The following SLC40A1 variants were observed in gnomAD, a reference collection of about 807,000 sequenced individuals.
SLC40A1 encodes solute carrier family 40 member 1.
SLC40A1 carries 16 observed loss-of-function variants against 53.5 expected under a neutral mutation model. That is an observed-to-expected ratio of 0.30 (90% CI 0.20 to 0.45). SLC40A1 has a LOEUF of 0.45. SLC40A1 is among the 20% of genes least tolerant of loss of function. SLC40A1 has a pLI of 1.00. For missense variants in SLC40A1, 545 were observed against 695.4 expected, an observed-to-expected ratio of 0.78 and a Z score of 2.43; for synonymous variants, 247 against 253.2, an observed-to-expected ratio of 0.98 and a Z score of 0.23.
chr2:189,564,146 T>C lies in SLC40A1; in HGVS notation c.840A>G (p.Gln280=). The C allele has an allele frequency of 1.2e-6, 2 of 1,612,764 alleles. No homozygotes were observed. Among genetic ancestry groups the C allele is most frequent in the South Asian group, 2.2e-5 (2 of 90,736 alleles). ...CCATCTGGGAGGCACAAGTAGGCTC[T>C]TGCTCATGTTCAAGCTCATGGATGT... ...DSNIHELEHE[Q]EPTCASQMAE... The change falls in exon 7 of 8, where the codon CAA becomes CAG. Residue 280 remains glutamine, a synonymous_variant. Transcript: ENST00000261024.
intron 5 of SLC40A1, among the ~76,000 whole-genome samples, chr2:189,568,442 C>T (rs2031006767): frequency 6.6e-6 from 1 of 151,924 alleles, no homozygotes; most frequent in South Asian, 2.1e-4. Context: ...TGAGTTGAGA[C>T]TGTGCCACTG....
At chr2:189,573,825 T>A (rs2031208909) in intron 3 of SLC40A1, among the ~76,000 whole-genome samples, 1 of 152,168 alleles carries the variant, frequency 6.6e-6, no homozygotes, top group Admixed American at 6.5e-5. Flanking sequence ...GCTTGGAAGG[T>A]CTTGCAAGAA....
chr2:189,561,216 C>T lies in SLC40A1; in HGVS notation c.*662G>A, dbSNP rs1417522880. On this transcript the variant is annotated 3_prime_UTR_variant, in exon 8 of 8. Coordinates refer to ENST00000261024, the MANE Select transcript of SLC40A1 (RefSeq NM_014585.6). ...TTTACAGCTTTGCTTCTACCTGCAGCTTACATGATAACCATGCTGTGAAGT... is the reference window on the plus strand; with the variant it reads ...TTTACAGCTTTGCTTCTACCTGCAGTTTACATGATAACCATGCTGTGAAGT... 1 of 152,280 alleles carries T rather than the reference C, an allele frequency of 6.6e-6. No homozygotes were observed. Among genetic ancestry groups the T allele is most frequent in the African/African-American group, 2.4e-5 (1 of 41,458 alleles). 9.4% of individuals were successfully genotyped at this position (152,280 alleles called of 1,614,324 possible).
chr2:189,578,298 G>A (rs974948937), intron 2 of SLC40A1: 39 of 1,002,164 alleles, frequency 3.9e-5, no homozygotes, highest in Non-Finnish European at 4.6e-5. Flanking sequence ...TATGATTGTA[G>A]TTGCTGCTGT....
chr2:189,561,596 T>A lies in SLC40A1; in HGVS notation c.*282A>T. 1 of 383,322 alleles carries A rather than the reference T, an allele frequency of 2.6e-6. No individual in the cohort carries two copies. Among genetic ancestry groups the A allele is most frequent in the Non-Finnish European group, 4.8e-6 (1 of 207,698 alleles). 23.7% of individuals were successfully genotyped at this position (383,322 alleles called of 1,614,324 possible). On this transcript the variant is annotated 3_prime_UTR_variant, in exon 8 of 8. Coordinates refer to ENST00000261024, the MANE Select transcript of SLC40A1 (RefSeq NM_014585.6). ...TGACTAACCACTCTTTTACGTAAGA[T>A]TGTATCTACTCATGAGAAATAGGGG...
chr2:189,578,344 G>C (rs532289373), intron 2 of SLC40A1: 1 of 1,002,368 alleles, frequency 1.0e-6, no homozygotes, highest in East Asian at 1.1e-4. Context: ...AACTTCCTTT[G>C]CTTGACTTAC....
rs2031398905 is a variant in SLC40A1 at position 189,579,831 on chromosome 2, A to C, written c.93T>G (p.Gly31=). ...LTSAKFLLYL[G]HSLSTWGDRM... is the part of the protein sequence containing the mutation. ...CACTTACCCAAGTAGAGAGAGAATG[A>C]CCAAGGTAGAGAAGGAATTTTGCAG... Residue 31 remains glycine, a synonymous_variant, in exon 2 of 8, where the codon GGT becomes GGG. Coordinates refer to ENST00000261024, the MANE Select transcript of SLC40A1 (RefSeq NM_014585.6). 1 of 1,614,012 alleles carries C rather than the reference A, an allele frequency of 6.2e-7. No individual in the cohort carries two copies. The highest frequency in any genetic ancestry group is 8.5e-7 in the Non-Finnish European group (1 of 1,179,966).
chr2:189,562,123 T>C lies in SLC40A1; in HGVS notation c.1471A>G (p.Ile491Val), dbSNP rs1260746854. ...QENVIESERG[I>V]INGVQNSMNY... ...ATGGAGTTCTGTACACCATTTATAA[T>C]GCCTCTTTCAGATTCAATTACATTT... is the stretch of plus-strand genomic sequence containing the variant. Residue 491 changes from isoleucine to valine, a missense_variant, in exon 8 of 8, where the codon ATT becomes GTT. Physicochemically the swap from Ile to Val is conservative, Grantham distance 29. Coordinates refer to ENST00000261024, the MANE Select transcript of SLC40A1 (RefSeq NM_014585.6). 3.1e-6 allele frequency: 5 copies of C among 1,613,974 alleles called. No homozygotes were observed. The highest frequency in any genetic ancestry group is 4.2e-6 in the Non-Finnish European group (5 of 1,179,856).
chr2:189,577,178 C>A (rs2031315651), intron 2 of SLC40A1, among the ~76,000 whole-genome samples: 1 of 152,186 alleles, frequency 6.6e-6, no homozygotes, highest in African/African-American at 2.4e-5. Flanking sequence ...GAGCTGAAGG[C>A]AAACCTAATA....
intron 3 of SLC40A1, 77 bp downstream of exon 3, chr2:189,575,084 G>T: frequency 6.6e-7 from 1 of 1,519,832 alleles, no homozygotes; most frequent in Non-Finnish European, 9.1e-7. Flanking sequence ...CTCCTAGTTT[G>T]TTGTTTCCTT....
chr2:189,564,371 A>C (rs1189329579), intron 6 of SLC40A1, 146 bp from the exon 7 acceptor site: 1 of 643,228 alleles, frequency 1.6e-6, no homozygotes, highest in African/African-American at 1.8e-5. Flanking sequence ...TTTACTAATA[A>C]TCTAAGAATT....
At chr2:189,565,940 A>G (rs1269215316) in intron 5 of SLC40A1, among the ~76,000 whole-genome samples, 1 of 152,226 alleles carries the variant, frequency 6.6e-6, no homozygotes, top group Non-Finnish European at 1.5e-5. Context: ...TCTTAACACT[A>G]TAAAGAAGAA....
intron 5 of SLC40A1, among the ~76,000 whole-genome samples, chr2:189,567,485 TA>T (rs1329479972): frequency 6.6e-6 from 1 of 152,100 alleles, no homozygotes; most frequent in Non-Finnish European, 1.5e-5. Context: ...TGTGTCAGTA[TA>T]AAAAATTAAT....
intron 2 of SLC40A1, among the ~76,000 whole-genome samples, chr2:189,578,058 C>T (rs1422309957): frequency 6.6e-6 from 1 of 152,186 alleles, no homozygotes; most frequent in Non-Finnish European, 1.5e-5. Context: ...AATGCCCCTA[C>T]GTTCAGTGCA....
chr2:189,563,089 A>T (rs1407978427), intron 7 of SLC40A1, among the ~76,000 whole-genome samples: 2 of 152,026 alleles, frequency 1.3e-5, no homozygotes, highest in Non-Finnish European at 1.5e-5. Flanking sequence ...ACCTTCGGCA[A>T]CATGGCAAAA....
At chr2:189,575,556 C>T (rs149678352) in intron 2 of SLC40A1, among the ~76,000 whole-genome samples, 11 of 152,256 alleles carry the variant, frequency 7.2e-5, no homozygotes, top group African/African-American at 2.4e-4. Context: ...ATTAATGAAC[C>T]GCACATTCTC....
At chr2:189,563,303 AG>A (rs976109930) in intron 7 of SLC40A1, among the ~76,000 whole-genome samples, 1 of 151,648 alleles carries the variant, frequency 6.6e-6, no homozygotes, top group African/African-American at 2.4e-5. Context: ...AAAAAAAACA[AG>A]TAATATTTAA....
intron 7 of SLC40A1, 102 bp from the exon 8 acceptor site, chr2:189,562,293 CCTGA>C (rs2030768571): frequency 2.2e-6 from 2 of 895,136 alleles, no homozygotes; most frequent in Admixed American, 2.4e-5. Context: ...TACATTTTAG[CCTGA>C]CTGTCTTTAA....
chr2:189,562,235 G>A (rs1259958166), intron 7 of SLC40A1, 44 bp from the exon 8 acceptor site: 34 of 1,418,418 alleles, frequency 2.4e-5, no homozygotes, highest in Non-Finnish European at 3.3e-5. Flanking sequence ...TAGTTTACAG[G>A]CATACATTTC....
Sources: gnomAD v4.1 joint callset for allele counts (sites outside exome capture counted in the v4.1 genomes callset) on GRCh38, gnomAD v4.1.1 for gene constraint, MANE v1.5 for transcripts, NCBI Gene and HGNC (gene_info 2026-07-23, HGNC 2026-07-21) for gene names.